CES5A: variants seen among roughly 807,000 people sequenced by gnomAD.
CES5A encodes carboxylesterase 5.
CES5A carries 67 observed loss-of-function variants against 62.9 expected under a neutral mutation model. The ratio of observed to expected loss-of-function variants is 1.07; its 90% CI spans 0.88 to 1.31. CES5A has a LOEUF of 1.31. CES5A is among the 50% of genes most tolerant of loss of function. The pLI, the probability that CES5A is intolerant of heterozygous loss-of-function variation, is 0.00. For missense variants in CES5A, 748 were observed against 708.5 expected, an observed-to-expected ratio of 1.06 and a Z score of -0.63; for synonymous variants, 296 against 280.8, an observed-to-expected ratio of 1.05 and a Z score of -0.54.
intron 9 of CES5A, among the ~76,000 whole-genome samples, chr16:55,856,151 C>A (rs1182818108): frequency 1.3e-5 from 2 of 152,142 alleles, no homozygotes; most frequent in Non-Finnish European, 2.9e-5. Context: ...CAGCCTGCAG[C>A]ATCATGAGCC....
intron 1 of CES5A, among the ~76,000 whole-genome samples, chr16:55,909,600 C>T (rs959371732): frequency 9.5e-6 from 1 of 105,532 alleles, no homozygotes; most frequent in African/African-American, 2.9e-5. Context: ...ACACACATGT[C>T]TGGAGGCAGA....
rs547533684 is a variant in CES5A, at chr16:55,918,082, T to TA, written c.-256+7240dup. On this transcript the variant is annotated intron_variant, in intron 1 of 12. Coordinates refer to the CES5A transcript ENST00000518005. ...TCCTTGAAAGTTCATCATAGTCAGA[T>TA]ATGCTGATGGGCAGGCACAGAGGTA... Among the ~76,000 whole-genome samples the TA allele has an allele frequency of 1.8e-4, 28 of 152,286 alleles. 1 individual carries two copies. The highest frequency in any genetic ancestry group is 1.0e-3 in the South Asian group (5 of 4,822).
At chr16:55,951,827 G>C (rs548986050) in intron 1 of CES5A, among the ~76,000 whole-genome samples, 2 of 152,146 alleles carry the variant, frequency 1.3e-5, no homozygotes, top group African/African-American at 4.8e-5. Context: ...CACAGAGAAA[G>C]TGTTAATCTA....
At chr16:55,929,277 G>C (rs1311774540), upstream of CES5A, among the ~76,000 whole-genome samples, 1 of 152,214 alleles carries the variant, frequency 6.6e-6, no homozygotes, top group African/African-American at 2.4e-5. Context: ...CAACAGCCTC[G>C]CCAAGGGAGG....
At chr16:55,891,764 T>C (rs1273914366) in intron 1 of CES5A, among the ~76,000 whole-genome samples, 3 of 152,182 alleles carry the variant, frequency 2.0e-5, no homozygotes, top group Admixed American at 1.3e-4. Context: ...GTCCATGATA[T>C]TTCCCTTTCA....
chr16:55,955,806 T>G, intron 1 of CES5A: 2 of 1,533,020 alleles, frequency 1.3e-6, no homozygotes, highest in Non-Finnish European at 1.7e-6. Context: ...GGTTTGGGGG[T>G]GGGGTCCAGG....
At chr16:55,890,439 C>G (rs1387574226) in intron 1 of CES5A, among the ~76,000 whole-genome samples, 1 of 151,580 alleles carries the variant, frequency 6.6e-6, no homozygotes, top group Non-Finnish European at 1.5e-5. Context: ...GAATTCTGTG[C>G]AAGCATTTTA....
rs370501780 is a variant in CES5A at position 55,887,788 on chromosome 16, G to A, written c.-255-13751C>T. Among the ~76,000 whole-genome samples, 5 of 152,288 alleles carry A rather than the reference G, an allele frequency of 3.3e-5. No individual in the cohort carries two copies. In the South Asian group the frequency reaches 6.2e-4, roughly 19 times the overall value. On this transcript the variant is annotated intron_variant, in intron 1 of 12. Transcript: ENST00000518005. The stretch of plus-strand genomic sequence containing the variant: ...CTATCTGAGGCCAAATTTACCAGTT[G>A]TGGGTTAAAAAAGGCAGATTTATTA...
intron 4 of CES5A, among the ~76,000 whole-genome samples, chr16:55,868,791 A>G (rs1305682954): frequency 6.6e-6 from 1 of 152,218 alleles, no homozygotes; most frequent in African/African-American, 2.4e-5. Context: ...AGACAGGATA[A>G]TAGAAGCAGT....
chr16:55,860,825 T>C (rs1264445947), intron 7 of CES5A, among the ~76,000 whole-genome samples: 2 of 152,130 alleles, frequency 1.3e-5, no homozygotes, highest in African/African-American at 4.8e-5. Context: ...TAGCAAATAT[T>C]GAAATCTGAA....
chr16:55,927,794 T>A (rs1597153444), upstream of CES5A, among the ~76,000 whole-genome samples: 1 of 152,184 alleles, frequency 6.6e-6, no homozygotes, highest in African/African-American at 2.4e-5. Flanking sequence ...GAAAAGAGGT[T>A]ACTATATTTT....
chr16:55,904,818 C>T (rs2034023881), intron 1 of CES5A, among the ~76,000 whole-genome samples: 1 of 152,088 alleles, frequency 6.6e-6, no homozygotes, highest in Non-Finnish European at 1.5e-5. Flanking sequence ...GTCGGGCCTC[C>T]CCTTACCACA....
In CES5A at chr16:55,874,038, C is replaced by T; in HGVS notation, c.74-1G>A. The stretch of plus-strand genomic sequence containing the variant: ...CTCTGTGGCCCTTCAGCAGAAGGCC[C>T]TGCGGGAACACATGGGAGGAATCAG... On this transcript the variant is annotated splice_acceptor_variant, in intron 1 of 12. Transcript: ENST00000290567. LOFTEE classifies it high-confidence loss of function. The T allele has an allele frequency of 1.3e-6, 2 of 1,599,372 alleles. No homozygotes were observed. Among genetic ancestry groups the T allele is most frequent in the Non-Finnish European group, 1.7e-6 (2 of 1,173,700 alleles).
At chr16:55,902,623 A>C (rs2034002557) in intron 1 of CES5A, among the ~76,000 whole-genome samples, 1 of 152,258 alleles carries the variant, frequency 6.6e-6, no homozygotes, top group African/African-American at 2.4e-5. Context: ...AGGATGGAGT[A>C]GTTATTCACG....
chr16:55,893,334 C>G (rs549438984), intron 1 of CES5A, among the ~76,000 whole-genome samples: 1 of 151,812 alleles, frequency 6.6e-6, no homozygotes, highest in African/African-American at 2.4e-5. Context: ...AAATTGGAAT[C>G]ATAAAGAAAC....
intron 1 of CES5A, among the ~76,000 whole-genome samples, chr16:55,890,857 G>A (rs1394562355): frequency 1.3e-5 from 2 of 152,188 alleles, no homozygotes; most frequent in Non-Finnish European, 2.9e-5. Flanking sequence ...ACAGCCTCAG[G>A]AGGTCCTTGT....
chr16:55,938,855 T>C (rs2034416517), intron 2 of CES5A, among the ~76,000 whole-genome samples: 1 of 137,982 alleles, frequency 7.2e-6, no homozygotes, highest in Admixed American at 7.4e-5. Context: ...TATATGTAGA[T>C]ATGTATTAAG....
chr16:55,953,149 G>A (rs1362091947), intron 1 of CES5A, among the ~76,000 whole-genome samples: 1 of 152,134 alleles, frequency 6.6e-6, no homozygotes, highest in Non-Finnish European at 1.5e-5. Context: ...AAAATTTAAT[G>A]TAATTTAACA....
intron 1 of CES5A, among the ~76,000 whole-genome samples, chr16:55,899,988 T>C (rs74658563): frequency 0.01 from 1,556 of 152,234 alleles, 34 homozygotes; most frequent in African/African-American, 0.036. Flanking sequence ...ATTAATCAAA[T>C]CCAAACCCCT....
Sources: allele counts gnomAD v4.1 joint callset (sites outside exome capture counted in the v4.1 genomes callset), GRCh38; gene constraint gnomAD v4.1.1; transcripts MANE v1.5; gene names NCBI Gene and HGNC (gene_info 2026-07-23, HGNC 2026-07-21).